COPS5: variants seen among roughly 807,000 people sequenced by gnomAD.
COPS5 encodes COP9 signalosome complex subunit 5.
In COPS5, 8 loss-of-function variants were observed where a neutral mutation model predicts 44.4. That is an observed-to-expected ratio of 0.18 (90% CI 0.11 to 0.32). The LOEUF is 0.32. Among genes scored for constraint, COPS5 ranks in the 10% least tolerant of loss-of-function variants. COPS5 has a pLI of 1.00. For synonymous variants in COPS5, 122 were observed against 142.8 expected, an observed-to-expected ratio of 0.85 and a Z score of 1.04; for missense variants, 159 against 406.4, an observed-to-expected ratio of 0.39 and a Z score of 5.23.
intron 6 of COPS5, among the ~76,000 whole-genome samples, chr8:67,050,596 G>T (rs1804391417): frequency 7.2e-6 from 1 of 138,158 alleles, no homozygotes; most frequent in African/African-American, 3.0e-5. Flanking sequence ...TCTTGACCTG[G>T]AAATATGTGA....
At chr8:67,059,935 T>C (rs182701120) in intron 1 of COPS5, 1 of 167,390 alleles carries the variant, frequency 6.0e-6, no homozygotes, top group East Asian at 1.7e-4. Flanking sequence ...TCCTTTTCTG[T>C]AAATAGGGAT....
At chr8:67,047,562 T>G (rs1816716435) in intron 6 of COPS5, 1 of 381,270 alleles carries the variant, frequency 2.6e-6, no homozygotes, top group Admixed American at 4.0e-5. Context: ...TAACTTAGGT[T>G]ACATGCTATA....
intron 5 of COPS5, among the ~76,000 whole-genome samples, chr8:67,053,783 G>A (rs1563446290): frequency 6.6e-6 from 1 of 151,920 alleles, no homozygotes; most frequent in Admixed American, 6.6e-5. Flanking sequence ...GAGGCGGGCA[G>A]ATCACGAGGT....
At chr8:67,060,600 G>T in intron 1 of COPS5, 3 of 838,168 alleles carry the variant, frequency 3.6e-6, no homozygotes, top group Non-Finnish European at 1.7e-6. Flanking sequence ...CATTCTAGAC[G>T]ACTCTTTTTA....
chr8:67,059,025 A>G (rs1360154525), intron 2 of COPS5, among the ~76,000 whole-genome samples, 186 bp downstream of exon 2: 1 of 151,742 alleles, frequency 6.6e-6, no homozygotes, highest in Non-Finnish European at 1.5e-5. Context: ...AACAACAACA[A>G]CAAAAAACAA....
intron 5 of COPS5, among the ~76,000 whole-genome samples, chr8:67,053,971 A>G (rs1345621026): frequency 6.7e-6 from 1 of 149,866 alleles, no homozygotes; most frequent in Non-Finnish European, 1.5e-5. Context: ...ACACCACTGC[A>G]CTCCAGCCTG....
At chr8:67,053,098 T>C (rs921908378) in intron 5 of COPS5, among the ~76,000 whole-genome samples, 8 of 151,856 alleles carry the variant, frequency 5.3e-5, no homozygotes, top group African/African-American at 1.7e-4. Flanking sequence ...AAAAACAGAA[T>C]GCTTTTTCTG....
rs1816694476 is a variant in COPS5, at chr8:67,045,900, C to T, written c.832G>A (p.Ala278Thr). 6.2e-7 allele frequency: 1 copy of T among 1,614,154 alleles called. No individual in the cohort carries two copies. Among genetic ancestry groups the T allele is most frequent in the Non-Finnish European group, 8.5e-7 (1 of 1,179,958 alleles). The stretch of plus-strand genomic sequence containing the variant: ...ATGAAACTCCCTCGTCCCAGCTGGG[C>T]TTCTGACTGCTCTAACTTTTCAGAC... ...DLSEKLEQSE[A>T]QLGRGSFMLG... The change falls in exon 7 of 8, where the codon GCC (alanine) becomes ACC (threonine). Residue 278 changes from alanine (A) to threonine (T), a missense_variant. Ala to Thr is a moderately conservative substitution (Grantham distance 58). This residue lies in a region of COPS5 where 134 missense variants were observed against 376.7 expected (regional missense o/e 0.36). Transcript: ENST00000357849.
Position 67,043,289 on chromosome 8 carries a change from C to A in COPS5, c.949G>T (p.Gly317Ter). 6.2e-7 allele frequency: 1 copy of A among 1,601,854 alleles called. No homozygotes were observed. Among genetic ancestry groups the A allele is most frequent in the South Asian group, 1.1e-5 (1 of 89,790 alleles). The change falls in exon 8 of 8, where the codon GGA becomes TGA. Residue 317 changes from glycine to a stop codon, truncating the protein, a stop_gained. Coordinates refer to ENST00000357849, the MANE Select transcript of COPS5 (RefSeq NM_006837.3). LOFTEE classifies it high-confidence loss of function. ...SCKTTIEAIH[G>*]LMSQVIKDKL... is the part of the protein sequence containing the mutation. ...TCCTTAATAACCTGAGACATCAATC[C>A]ATGGATAGCTTCTATGGTAGTTTTA...
In COPS5 at chr8:67,061,865, G is replaced by A. The variant is rs1804647719; in HGVS notation, c.132C>T (p.Pro44=). 1 of 1,614,044 alleles carries A rather than the reference G, an allele frequency of 6.2e-7. No individual in the cohort carries two copies. The highest frequency in any genetic ancestry group is 1.3e-5 in the African/African-American group (1 of 74,926). ...KQQQEILAAK[P]WTKDHHYFKY... is the part of the protein sequence containing the mutation. ...AGGGACCTCCTCACTCCTTAGTCCA[G>A]GGCTTCGCCGCCAGGATTTCTTGCT... is the stretch of plus-strand genomic sequence containing the variant. The change falls in exon 1 of 8, where the codon CCC becomes CCT. Residue 44 remains proline (P), a synonymous_variant. Coordinates refer to ENST00000357849, the MANE Select transcript of COPS5 (RefSeq NM_006837.3).
At chr8:67,060,496 C>T (rs1212342518) in intron 1 of COPS5, 1 of 1,288,942 alleles carries the variant, frequency 7.8e-7, no homozygotes, top group Non-Finnish European at 1.0e-6. Flanking sequence ...AATGTGTAGA[C>T]CTCATGTTGG....
At position 67,045,875 on chromosome 8, in the gene COPS5, A is replaced by G. The variant is rs769096210; in HGVS notation, c.857T>C (p.Met286Thr). 4 of 1,614,056 alleles carry G rather than the reference A, an allele frequency of 2.5e-6. No homozygotes were observed. Among genetic ancestry groups the G allele is most frequent in the East Asian group, 2.2e-5 (1 of 44,898 alleles). ...TCGGTCATGCGTTTCTAAACCCAAC[A>G]TGAAACTCCCTCGTCCCAGCTGGGC... ...SEAQLGRGSF[M>T]LGLETHDRKS... Residue 286 changes from methionine (M) to threonine (T), a missense_variant, in exon 7 of 8, where the codon ATG (methionine) becomes ACG (threonine). Physicochemically the swap from Met to Thr is moderately conservative, Grantham distance 81. Transcript: ENST00000357849.
intron 1 of COPS5, 25 bp downstream of exon 1, chr8:67,061,829 T>C: frequency 6.2e-7 from 1 of 1,612,336 alleles, no homozygotes; most frequent in Non-Finnish European, 8.5e-7. Context: ...TTCCCTCCCC[T>C]GCGTCTCGCC....
chr8:67,051,371 G>C, intron 5 of COPS5, 30 bp from the exon 6 acceptor site: 1 of 1,299,974 alleles, frequency 7.7e-7, no homozygotes. Flanking sequence ...AATTTAGTAA[G>C]TAAAAAAAAA....
Position 67,043,161 on chromosome 8 carries a change from A to C in COPS5, c.*72T>G. The C allele has an allele frequency of 1.2e-6, 1 of 836,214 alleles. No homozygotes were observed. Among genetic ancestry groups the C allele is most frequent in the Non-Finnish European group, 2.0e-6 (1 of 504,852 alleles). 51.8% of individuals were successfully genotyped at this position (836,214 alleles called of 1,614,324 possible). A position where few individuals can be genotyped will look rare whatever the true frequency, so the allele number is the denominator to read the frequency against. On this transcript the variant is annotated 3_prime_UTR_variant, in exon 8 of 8. Transcript: ENST00000357849. Reference sequence around the variant, plus strand: ...TTATACTTCTAATCAGATTTTGGGTAACTGGTTTTAAAGTGTTACTTGAAT... The same window carrying C: ...TTATACTTCTAATCAGATTTTGGGTCACTGGTTTTAAAGTGTTACTTGAAT...
chr8:67,060,995 C>A, intron 1 of COPS5: 1 of 161,708 alleles, frequency 6.2e-6, no homozygotes. Context: ...CTCTTGTTGA[C>A]CACAGCTTTC....
intron 6 of COPS5, chr8:67,047,710 T>C: frequency 1.5e-6 from 1 of 679,704 alleles, no homozygotes; most frequent in Non-Finnish European, 2.7e-6. Flanking sequence ...AATGTCCTCA[T>C]GTATGCAGTG....
In COPS5 at chr8:67,062,085, A is replaced by G. The variant is rs1804659667; in HGVS notation, c.-89T>C. ...CCGGGTGTGGGCCTTGACCCTCCGC[A>G]CCACGGGAACAAACTCTTACCTAGA... On this transcript the variant is annotated 5_prime_UTR_variant, in exon 1 of 8. Transcript: ENST00000357849. 8.2e-6 allele frequency: 13 copies of G among 1,593,042 alleles called. No homozygotes were observed. The highest frequency in any genetic ancestry group is 1.1e-5 in the Non-Finnish European group (13 of 1,171,854).
chr8:67,055,552 A>C (rs934599754), intron 5 of COPS5, among the ~76,000 whole-genome samples: 4 of 152,124 alleles, frequency 2.6e-5, no homozygotes, highest in Non-Finnish European at 5.9e-5. Context: ...TATAATTCAT[A>C]CATCATAAAA....
Sources: allele counts gnomAD v4.1 joint callset (sites outside exome capture counted in the v4.1 genomes callset), GRCh38; gene constraint gnomAD v4.1.1; regional missense constraint gnomAD v4.1.1; transcripts MANE v1.5; gene names NCBI Gene and HGNC (gene_info 2026-07-23, HGNC 2026-07-21).